KLHL10: variants seen among roughly 807,000 people sequenced by gnomAD.
KLHL10 encodes kelch like family member 10, also known as kelch-like protein 10.
KLHL10 carries 11 observed loss-of-function variants against 46.6 expected under a neutral mutation model. That is an observed-to-expected ratio of 0.24 (90% CI 0.15 to 0.39). The LOEUF (loss-of-function observed/expected upper bound fraction) is 0.39, where lower values mean the gene tolerates loss of function less well. KLHL10 is among the 10% of genes least tolerant of loss of function. The pLI is 1.00. For synonymous variants in KLHL10, 254 were observed against 279.1 expected, an observed-to-expected ratio of 0.91 and a Z score of 0.90; for missense variants, 475 against 789.8, an observed-to-expected ratio of 0.60 and a Z score of 4.78.
chr17:41,840,667 C>T (rs1567867776), intron 1 of KLHL10, among the ~76,000 whole-genome samples: 1 of 151,464 alleles, frequency 6.6e-6, no homozygotes, highest in Non-Finnish European at 1.5e-5. Flanking sequence ...AGATTTTTTC[C>T]TCCAGCCATT....
chr17:41,836,782 T>G (rs1039076024), upstream of KLHL10, among the ~76,000 whole-genome samples: 3 of 151,556 alleles, frequency 2.0e-5, no homozygotes, highest in African/African-American at 7.3e-5. Context: ...GCCGAGATCA[T>G]ACCACTGCAC....
upstream of KLHL10, chr17:41,835,769 C>A (rs2048140958): frequency 7.7e-7 from 1 of 1,292,376 alleles, no homozygotes. Flanking sequence ...TAGGAGGGGT[C>A]CGCGGCAGAG....
chr17:41,835,785 C>T, upstream of KLHL10: 8 of 1,385,412 alleles, frequency 5.8e-6, no homozygotes, highest in Non-Finnish European at 8.0e-6. Flanking sequence ...CAGAGCAAAG[C>T]GGGAAGGCCC....
chr17:41,844,013 G>A (rs188812344), intron 2 of KLHL10, among the ~76,000 whole-genome samples: 3 of 151,706 alleles, frequency 2.0e-5, no homozygotes, highest in East Asian at 2.0e-4. Flanking sequence ...CGCCTGCCTC[G>A]GCCTCCCAAA....
rs782657411 is a variant in KLHL10 at position 41,837,900 on chromosome 17, G to C, written c.-33G>C. 3 of 1,612,384 alleles carry C rather than the reference G, an allele frequency of 1.9e-6. No individual in the cohort carries two copies. In the Admixed American group the frequency reaches 5.0e-5, roughly 27 times the overall value. On this transcript the variant is annotated 5_prime_UTR_variant, in exon 1 of 5. Coordinates refer to ENST00000293303, the MANE Select transcript of KLHL10 (RefSeq NM_152467.5). ...CCCACAACCCTCCCCGACACCCTAG[G>C]AAAGCAGCCTCTCTCCGCTGTCCCA...
At chr17:41,841,169 A>G (rs1320870782) in intron 1 of KLHL10, among the ~76,000 whole-genome samples, 1 of 152,018 alleles carries the variant, frequency 6.6e-6, no homozygotes, top group Non-Finnish European at 1.5e-5. Context: ...AGAAAAGAAA[A>G]CAATTAATAA....
upstream of KLHL10, chr17:41,837,764 A>T (rs115775147): frequency 9.1e-4 from 1,313 of 1,438,338 alleles, 7 homozygotes; most frequent in African/African-American, 0.017. Flanking sequence ...CTGAGAGCAC[A>T]ATCCTGTGTG....
chr17:41,848,289 A>C lies in KLHL10; in HGVS notation c.1809A>C (p.Thr603=), dbSNP rs1443163509. 1 of 1,610,816 alleles carries C rather than the reference A, an allele frequency of 6.2e-7. No homozygotes were observed. Reference sequence around the variant, plus strand: ...ATGAAGTAAAATATTCTGCTTCGACAAGTACCCTACCTGTATGAGCCTCTT... The same window carrying C: ...ATGAAGTAAAATATTCTGCTTCGACCAGTACCCTACCTGTATGAGCCTCTT... ...LRDEVKYSAS[T]STLPV Residue 603 remains threonine (T), a synonymous_variant, in exon 5 of 5, where the codon ACA becomes ACC. Transcript: ENST00000293303.
intron 3 of KLHL10, among the ~76,000 whole-genome samples, chr17:41,846,581 TTG>T (rs373266387): frequency 2.1e-4 from 31 of 150,928 alleles, no homozygotes; most frequent in African/African-American, 7.5e-4. Context: ...GCCCAGTGTC[TTG>T]TGTTTGTAAT....
At chr17:41,843,151 G>A (rs1433921577) in intron 2 of KLHL10, among the ~76,000 whole-genome samples, 1 of 151,430 alleles carries the variant, frequency 6.6e-6, no homozygotes, top group Non-Finnish European at 1.5e-5. Flanking sequence ...ATTCTAAAGG[G>A]CTGAAATTCC....
rs782071183 is a variant in KLHL10, at chr17:41,848,306, G to A, written c.1826G>A (p.Ter609=). The change falls in exon 5 of 5, where the codon TGA becomes TAA. Residue 609 remains the stop codon, a stop_retained_variant. Coordinates refer to ENST00000293303, the MANE Select transcript of KLHL10 (RefSeq NM_152467.5). ...GCTTCGACAAGTACCCTACCTGTAT[G>A]AGCCTCTTCATTTAGCTAATAAAAA... The part of the protein sequence containing the change: ...YSASTSTLPV[*] 18 of 1,607,690 alleles carry A rather than the reference G, an allele frequency of 1.1e-5. No individual in the cohort carries two copies. Among genetic ancestry groups the A allele is most frequent in the Non-Finnish European group, 1.4e-5 (17 of 1,179,640 alleles).
At chr17:41,847,894 A>G (rs1555621641) in intron 4 of KLHL10, 39 bp from the exon 5 acceptor site, 3 of 1,612,604 alleles carry the variant, frequency 1.9e-6, no homozygotes, top group Admixed American at 3.3e-5. Flanking sequence ...AACAGAATCA[A>G]TGGTTAGCAG....
In KLHL10 at chr17:41,842,440, T is replaced by C. The variant is rs1248733895; in HGVS notation, c.684+128T>C. 3 of 1,174,904 alleles carry C rather than the reference T, an allele frequency of 2.6e-6. No homozygotes were observed. The Admixed American group carries it at 6.0e-5, about 23-fold the overall frequency. The allele number at this position is 1,174,904 out of a possible 1,614,324, so 72.8% of individuals were successfully genotyped here. On this transcript the variant is annotated intron_variant, in intron 2 of 4. Coordinates refer to ENST00000293303, the MANE Select transcript of KLHL10 (RefSeq NM_152467.5). ...GAAGGCATCTACTATTCTCTGGAATTTTGCAACTGTCTTTTCCCTTGGCAT... is the reference window on the plus strand; with the variant it reads ...GAAGGCATCTACTATTCTCTGGAATCTTGCAACTGTCTTTTCCCTTGGCAT...
rs1555621215 is a variant in KLHL10, at chr17:41,845,341, T to C, written c.900T>C (p.Ser300=). The change falls in exon 3 of 5, where the codon AGT becomes AGC. Residue 300 remains serine (S), a synonymous_variant. Coordinates refer to ENST00000293303, the MANE Select transcript of KLHL10 (RefSeq NM_152467.5). ...TCCTCTTTGCAATTGGTGGCTGGAG[T>C]GGTGGGAGCCCCACCAATGCCATTG... ...YAILFAIGGW[S]GGSPTNAIEA... is the part of the protein sequence containing the mutation. The C allele has an allele frequency of 1.9e-6, 3 of 1,613,970 alleles. No individual in the cohort carries two copies. The African/African-American group carries it at 4.0e-5, about 22-fold the overall frequency.
chr17:41,835,883 G>C, upstream of KLHL10: 1 of 1,609,254 alleles, frequency 6.2e-7, no homozygotes, highest in Non-Finnish European at 8.5e-7. Flanking sequence ...CGCCGCCCTT[G>C]CGGAGGGCGC....
intron 2 of KLHL10, among the ~76,000 whole-genome samples, chr17:41,844,226 AT>A (rs35887307): frequency 0.21 from 30,029 of 142,356 alleles, 3,519 homozygotes; most frequent in African/African-American, 0.34. Context: ...TGCCTGGCTA[AT>A]TTTTTTTTTT....
intron 3 of KLHL10, 35 bp downstream of exon 3, chr17:41,845,778 G>A: frequency 6.2e-7 from 1 of 1,613,356 alleles, no homozygotes; most frequent in Non-Finnish European, 8.5e-7. Context: ...AGATGTGGAT[G>A]CAAAGTACAA....
intron 1 of KLHL10, among the ~76,000 whole-genome samples, chr17:41,840,348 A>G (rs2074934271): frequency 6.6e-6 from 1 of 152,146 alleles, no homozygotes; most frequent in African/African-American, 2.4e-5. Context: ...TCCCCCAACC[A>G]GCGGGGCGCA....
chr17:41,837,889 C>T lies in KLHL10; in HGVS notation c.-44C>T, dbSNP rs782457771. On this transcript the variant is annotated 5_prime_UTR_variant, in exon 1 of 5. Coordinates refer to ENST00000293303, the MANE Select transcript of KLHL10 (RefSeq NM_152467.5). ...TAAAGGGGCCCCCCACAACCCTCCCCGACACCCTAGGAAAGCAGCCTCTCT... is the reference window on the plus strand; with the variant it reads ...TAAAGGGGCCCCCCACAACCCTCCCTGACACCCTAGGAAAGCAGCCTCTCT... The T allele has an allele frequency of 9.3e-6, 15 of 1,611,130 alleles. No individual in the cohort carries two copies. Among genetic ancestry groups the T allele is most frequent in the Middle Eastern group, 2.1e-4 (1 of 4,738 alleles).
Sources: gnomAD v4.1 joint callset for allele counts (sites outside exome capture counted in the v4.1 genomes callset) on GRCh38, gnomAD v4.1.1 for gene constraint, MANE v1.5 for transcripts, NCBI Gene and HGNC (gene_info 2026-07-23, HGNC 2026-07-21) for gene names.